Variants in GLG1 observed in about 807,000 individuals in gnomAD.
GLG1 encodes Golgi apparatus protein 1.
A neutral mutation model predicts 160.5 loss-of-function variants in GLG1; 38 were observed. The observed-to-expected ratio is 0.24, with a 90% CI of 0.18 to 0.31. The LOEUF (loss-of-function observed/expected upper bound fraction) is 0.31. GLG1 is among the 10% of genes least tolerant of loss of function. The pLI is 1.00. For synonymous variants in GLG1, 644 were observed against 543.4 expected (o/e 1.19, Z -2.57); for missense variants, 1,373 against 1,505.2 (o/e 0.91, Z 1.45).
intron 22 of GLG1, among the ~76,000 whole-genome samples, chr16:74,461,166 T>C (rs2143171813): frequency 6.6e-6 from 1 of 151,768 alleles, no homozygotes; most frequent in South Asian, 2.1e-4. Flanking sequence ...ATTATAGAAT[T>C]ACTTTTTTTT....
chr16:74,510,757 C>T (rs764730883), intron 2 of GLG1, among the ~76,000 whole-genome samples: 6 of 152,086 alleles, frequency 3.9e-5, no homozygotes, highest in Non-Finnish European at 5.9e-5. Context: ...GTGGATAAAA[C>T]ATAAGGAGAA....
intron 1 of GLG1, among the ~76,000 whole-genome samples, chr16:74,585,616 G>A (rs1958029964): frequency 6.6e-6 from 1 of 150,804 alleles, no homozygotes; most frequent in Non-Finnish European, 1.5e-5. Context: ...GCTGAGGCAG[G>A]AGAATGGCGT....
rs886232372 is a variant in GLG1 at position 74,491,224 on chromosome 16, G to C, written c.1235-9C>G. ...ACTGCTGACTTGTCGCCCTAAGTTA[G>C]GATGTAAGTCATAACATTACGAAGG... On this transcript the variant is annotated splice_polypyrimidine_tract_variant and intron_variant, in intron 7 of 25. Transcript: ENST00000422840. The C allele has an allele frequency of 1.3e-6, 2 of 1,590,264 alleles. No individual in the cohort carries two copies. The highest frequency in any genetic ancestry group is 1.7e-6 in the Non-Finnish European group (2 of 1,158,562).
intron 7 of GLG1, among the ~76,000 whole-genome samples, chr16:74,492,407 G>A (rs1417014116): frequency 1.3e-5 from 2 of 151,702 alleles, no homozygotes; most frequent in Non-Finnish European, 2.9e-5. Flanking sequence ...ATTCAGCTGG[G>A]CACAGTGGCT....
chr16:74,450,975 AG>A lies in GLG1; in HGVS notation c.*2191del, dbSNP rs1258463564. On this transcript the variant is annotated 3_prime_UTR_variant, in exon 26 of 26. Transcript: ENST00000422840. The stretch of plus-strand genomic sequence containing the variant: ...AAATATCAACACAATTAGAACTATA[AG>A]GGTGTTTACGCATACTGGGAAGGAG... The A allele has an allele frequency of 4.6e-5, 7 of 152,220 alleles. No individual in the cohort carries two copies. Among genetic ancestry groups the A allele is most frequent in the African/African-American group, 1.2e-4 (5 of 41,452 alleles). The allele number at this position is 152,220 out of a possible 1,614,324, so 9.4% of individuals were successfully genotyped here. A position where few individuals can be genotyped will look rare whatever the true frequency, so the allele number is the denominator to read the frequency against.
intron 17 of GLG1, chr16:74,468,511 C>T (rs2015083026): frequency 6.2e-6 from 1 of 161,914 alleles, no homozygotes; most frequent in African/African-American, 2.4e-5. Context: ...GCTGGAATTA[C>T]AGGCATGAGC....
rs1478024797 is a variant in GLG1, at chr16:74,552,211, G to C, written c.439-20058C>G. 1.7e-5 allele frequency: 8 copies of C among 483,608 alleles called. No homozygotes were observed. In the Admixed American group the frequency reaches 2.1e-4, roughly 13 times the overall value. The allele number at this position is 483,608 out of a possible 1,614,324, so 30.0% of individuals were successfully genotyped here. On this transcript the variant is annotated intron_variant, in intron 1 of 25. Transcript: ENST00000422840. ...AAGATGCGATCTCTGTTAAGTTGCA[G>C]GTCTCTCCAGCCCCGGACCTGGGCC...
intron 1 of GLG1, among the ~76,000 whole-genome samples, chr16:74,542,702 G>GAGGA (rs1275101336): frequency 0.09 from 5,539 of 61,576 alleles, 1,292 homozygotes; most frequent in South Asian, 0.24. Flanking sequence ...AGGAGGGAGG[G>GAGGA]AGGAAGGGAA....
intron 2 of GLG1, among the ~76,000 whole-genome samples, chr16:74,522,525 G>A (rs749154017): frequency 1.3e-5 from 2 of 152,106 alleles, no homozygotes; most frequent in Non-Finnish European, 2.9e-5. Flanking sequence ...TTGAGACATG[G>A]CAGATTAAGT....
chr16:74,595,230 TAAG>T (rs1424418550), intron 1 of GLG1, among the ~76,000 whole-genome samples: 2 of 147,014 alleles, frequency 1.4e-5, no homozygotes, highest in South Asian at 2.2e-4. Flanking sequence ...ACCACCAATT[TAAG>T]AAGAATTAAA....
At chr16:74,492,680 G>A (rs375538443) in intron 7 of GLG1, among the ~76,000 whole-genome samples, 4 of 151,986 alleles carry the variant, frequency 2.6e-5, no homozygotes, top group Non-Finnish European at 4.4e-5. Context: ...TTAGCCAGGC[G>A]CAGTGGCACT....
At chr16:74,494,177 AAAAAC>A (rs1333431196) in intron 6 of GLG1, among the ~76,000 whole-genome samples, 3 of 150,396 alleles carry the variant, frequency 2.0e-5, no homozygotes, top group Admixed American at 2.0e-4. Flanking sequence ...CCACTCAAAA[AAAAAC>A]AAAAACAAAA....
At chr16:74,553,469 GTTTTTTTTTTTTT>G (rs537408696) in intron 1 of GLG1, among the ~76,000 whole-genome samples, 1 of 106,084 alleles carries the variant, frequency 9.4e-6, no homozygotes, top group African/African-American at 3.7e-5. Context: ...TTTTGTTTCG[GTTTTTTTTTTTTT>G]TTTTTTTTGA....
chr16:74,586,815 C>T (rs904745899), intron 1 of GLG1, among the ~76,000 whole-genome samples: 2 of 152,146 alleles, frequency 1.3e-5, no homozygotes, highest in East Asian at 1.9e-4. Flanking sequence ...TCTGCCTCAG[C>T]CTACCAAGTA....
At chr16:74,475,152 C>A (rs891351281) in intron 12 of GLG1, among the ~76,000 whole-genome samples, 3 of 106,992 alleles carry the variant, frequency 2.8e-5, no homozygotes, top group Non-Finnish European at 5.8e-5. Flanking sequence ...AGTGAAACTC[C>A]GTCTCAAAAA....
At chr16:74,568,348 G>A (rs1028687318) in intron 1 of GLG1, among the ~76,000 whole-genome samples, 1 of 151,652 alleles carries the variant, frequency 6.6e-6, no homozygotes, top group Admixed American at 6.6e-5. Context: ...CTGATATAGT[G>A]AGGAACATGA....
intron 2 of GLG1, among the ~76,000 whole-genome samples, chr16:74,530,940 GTC>G (rs1478401776): frequency 6.6e-6 from 1 of 152,074 alleles, no homozygotes; most frequent in Non-Finnish European, 1.5e-5. Flanking sequence ...TTCTATTCAT[GTC>G]TGTTATGTTT....
chr16:74,487,983 G>C (rs1484492662), intron 8 of GLG1, among the ~76,000 whole-genome samples: 1 of 152,148 alleles, frequency 6.6e-6, no homozygotes, highest in Non-Finnish European at 1.5e-5. Context: ...GATGACTAGA[G>C]AATAAGACTG....
chr16:74,605,091 A>G (rs137932818), intron 1 of GLG1, among the ~76,000 whole-genome samples: 1 of 152,300 alleles, frequency 6.6e-6, no homozygotes, highest in Non-Finnish European at 1.5e-5. Flanking sequence ...CCTGAAGAAT[A>G]CACATAGGTG....
Sources: gnomAD v4.1 joint callset for allele counts (sites outside exome capture counted in the v4.1 genomes callset) on GRCh38, gnomAD v4.1.1 for gene constraint, MANE v1.5 for transcripts, NCBI Gene and HGNC (gene_info 2026-07-23, HGNC 2026-07-21) for gene names.